Variants in CILK1 observed in about 807,000 individuals in gnomAD.
The protein encoded by CILK1 is ciliogenesis associated kinase 1.
In CILK1, 47 loss-of-function variants were observed where a neutral mutation model predicts 79.2. The observed-to-expected ratio is 0.59, with a 90% CI of 0.47 to 0.76. The LOEUF is 0.76. Among genes scored for constraint, CILK1 ranks in the 30% least tolerant of loss-of-function variants. The pLI is 0.00. For synonymous variants in CILK1, 266 were observed against 275.9 expected, an observed-to-expected ratio of 0.96 and a Z score of 0.36; for missense variants, 660 against 769.5, an observed-to-expected ratio of 0.86 and a Z score of 1.68.
intron 1 of CILK1, chr6:53,054,792 T>C (rs761841333): frequency 2.6e-5 from 4 of 152,222 alleles, no homozygotes; most frequent in Non-Finnish European, 5.9e-5. Flanking sequence ...CTAGGTGACA[T>C]TGGGGAAAAG....
chr6:53,058,105 TTAA>T (rs1768056888), intron 1 of CILK1, among the ~76,000 whole-genome samples: 1 of 152,218 alleles, frequency 6.6e-6, no homozygotes, highest in Non-Finnish European at 1.5e-5. Context: ...AGTCAGGTAC[TTAA>T]TGTGCAAAGA....
In CILK1 at chr6:53,041,402, C is replaced by A; in HGVS notation, c.-166G>T. 1 of 623,622 alleles carries A rather than the reference C, an allele frequency of 1.6e-6. No individual in the cohort carries two copies. The highest frequency in any genetic ancestry group is 2.9e-6 in the Non-Finnish European group (1 of 342,774). 38.6% of individuals were successfully genotyped at this position (623,622 alleles called of 1,614,324 possible). A position where few individuals can be genotyped will look rare whatever the true frequency, so the allele number is the denominator to read the frequency against. ...CAAATACATATTTCCAAAAATCAGTCTTCTGCCTGCAGAGAAAAATGAGAG... is the reference window on the plus strand; with the variant it reads ...CAAATACATATTTCCAAAAATCAGTATTCTGCCTGCAGAGAAAAATGAGAG... On this transcript the variant is annotated 5_prime_UTR_variant, in exon 2 of 14. Coordinates refer to ENST00000676107, the MANE Select transcript of CILK1 (RefSeq NM_014920.5).
At chr6:53,046,317 T>A (rs1245636452) in intron 1 of CILK1, among the ~76,000 whole-genome samples, 1 of 152,232 alleles carries the variant, frequency 6.6e-6, no homozygotes, top group Non-Finnish European at 1.5e-5. Context: ...GGCATTATAC[T>A]ACTGATTTAT....
chr6:53,005,389 T>C (rs532802689), intron 13 of CILK1, 86 bp from the exon 14 acceptor site: 4 of 1,442,852 alleles, frequency 2.8e-6, no homozygotes, highest in African/African-American at 2.8e-5. Flanking sequence ...GACAAAAACA[T>C]GAGAAAATAA....
intron 9 of CILK1, among the ~76,000 whole-genome samples, chr6:53,012,544 A>ATCTC (rs1416747385): frequency 6.6e-6 from 1 of 152,198 alleles, no homozygotes; most frequent in African/African-American, 2.4e-5. Context: ...AGTTAATATG[A>ATCTC]TCTCTGTTAT....
At chr6:53,024,586 C>T (rs222459) in intron 5 of CILK1, among the ~76,000 whole-genome samples, 141,121 of 152,020 alleles carry the variant, frequency 0.93, 65,587 homozygotes, top group East Asian at 1. Flanking sequence ...CTTTGGTCAA[C>T]GCACCTGTGA....
intron 4 of CILK1, 51 bp from the exon 5 acceptor site, chr6:53,031,195 G>A (rs1765939441): frequency 1.8e-6 from 2 of 1,124,868 alleles, no homozygotes; most frequent in East Asian, 4.7e-5. Context: ...CAGATCCTTT[G>A]ATAATAAATA....
At chr6:53,053,559 A>G (rs1408492885) in intron 1 of CILK1, among the ~76,000 whole-genome samples, 2 of 152,214 alleles carry the variant, frequency 1.3e-5, no homozygotes. Context: ...TTACATGTCT[A>G]GATTATACGA....
chr6:53,046,627 A>G (rs1212882930), intron 1 of CILK1, among the ~76,000 whole-genome samples: 1 of 152,220 alleles, frequency 6.6e-6, no homozygotes, highest in African/African-American at 2.4e-5. Context: ...TACTTCAGGT[A>G]ATTACCTAAC....
At chr6:53,012,998 A>G (rs1764667069) in intron 9 of CILK1, among the ~76,000 whole-genome samples, 1 of 152,268 alleles carries the variant, frequency 6.6e-6, no homozygotes, top group Non-Finnish European at 1.5e-5. Context: ...ATAGCCCAGC[A>G]TTAACATATT....
At chr6:53,047,059 C>T (rs1767127343) in intron 1 of CILK1, among the ~76,000 whole-genome samples, 2 of 152,152 alleles carry the variant, frequency 1.3e-5, no homozygotes. Flanking sequence ...TACAGAATCA[C>T]CTAGAGAACC....
chr6:53,020,827 A>G (rs1216465345), intron 5 of CILK1, among the ~76,000 whole-genome samples: 1 of 152,124 alleles, frequency 6.6e-6, no homozygotes, highest in Non-Finnish European at 1.5e-5. Flanking sequence ...TGCCTTCTCT[A>G]CCCTTCTGAA....
At chr6:53,044,989 A>G (rs990044471) in intron 1 of CILK1, among the ~76,000 whole-genome samples, 1 of 152,216 alleles carries the variant, frequency 6.6e-6, no homozygotes, top group Non-Finnish European at 1.5e-5. Flanking sequence ...GATAGGATCT[A>G]TGGGTATTCT....
intron 1 of CILK1, among the ~76,000 whole-genome samples, chr6:53,058,150 T>C (rs1376899061): frequency 2.6e-5 from 4 of 152,212 alleles, no homozygotes; most frequent in African/African-American, 9.6e-5. Flanking sequence ...AAATCAGGAA[T>C]AGAAGCCTTC....
At position 53,041,250 on chromosome 6, in the gene CILK1, A is replaced by G. The variant is rs1312973746; in HGVS notation, c.-14T>C. 9 of 1,593,962 alleles carry G rather than the reference A, an allele frequency of 5.6e-6. No individual in the cohort carries two copies. Among genetic ancestry groups the G allele is most frequent in the Non-Finnish European group, 7.7e-6 (9 of 1,162,744 alleles). On this transcript the variant is annotated 5_prime_UTR_variant, in exon 2 of 14. Coordinates refer to ENST00000676107, the MANE Select transcript of CILK1 (RefSeq NM_014920.5). ...GTATCTATTCATGGTGTGCCTGCTC[A>G]GGCCGGACACTCATCTCACGGCCGA...
At chr6:53,037,732 A>G (rs1271120592) in intron 3 of CILK1, among the ~76,000 whole-genome samples, 1 of 152,234 alleles carries the variant, frequency 6.6e-6, no homozygotes, top group Non-Finnish European at 1.5e-5. Context: ...TATTGATATA[A>G]GTGATCCATT....
In CILK1 at chr6:53,053,975, A is replaced by G. The variant is rs146883768; in HGVS notation, c.-173+7621T>C. The stretch of plus-strand genomic sequence containing the variant: ...GTGATTCTGTGACTCTGTATCAGGA[A>G]TTGAGCTAGCATTTGTCTAAGAAAA... On this transcript the variant is annotated intron_variant, in intron 1 of 13. Transcript: ENST00000676107. Among the ~76,000 whole-genome samples the G allele has an allele frequency of 4.0e-3, 609 of 152,238 alleles. 7 individuals are homozygous for G. Among genetic ancestry groups the G allele is most frequent in the African/African-American group, 0.014 (577 of 41,526 alleles).
chr6:53,016,016 C>A, intron 8 of CILK1, 67 bp downstream of exon 8: 1 of 1,459,596 alleles, frequency 6.9e-7, no homozygotes, highest in Non-Finnish European at 9.6e-7. Flanking sequence ...CTAAATATTT[C>A]CTGTGCAATT....
chr6:53,030,319 A>C (rs1383209173), intron 5 of CILK1, among the ~76,000 whole-genome samples: 1 of 152,190 alleles, frequency 6.6e-6, no homozygotes, highest in Non-Finnish European at 1.5e-5. Flanking sequence ...GTTTATGATA[A>C]AGTCATGTTA....
Sources: allele counts gnomAD v4.1 joint callset (sites outside exome capture counted in the v4.1 genomes callset), GRCh38; gene constraint gnomAD v4.1.1; transcripts MANE v1.5; gene names NCBI Gene and HGNC (gene_info 2026-07-23, HGNC 2026-07-21).